The following HDAC4 variants were observed in gnomAD, a reference collection of about 807,000 sequenced individuals.
The protein encoded by HDAC4 is histone deacetylase A.
In HDAC4, 16 loss-of-function variants were observed where a neutral mutation model predicts 135.1. That is an observed-to-expected ratio of 0.12 (90% CI 0.08 to 0.18). The LOEUF (loss-of-function observed/expected upper bound fraction) is 0.18. Among genes scored for constraint, HDAC4 ranks in the 10% least tolerant of loss-of-function variants. The pLI is 1.00. For synonymous variants in HDAC4, 685 were observed against 653.4 expected (o/e 1.05, Z -0.74); for missense variants, 1,143 against 1,511.8 (o/e 0.76, Z 4.05).
At position 239,068,693 on chromosome 2, in the gene HDAC4, A is replaced by T; in HGVS notation, c.2751-86T>A. The T allele has an allele frequency of 1.7e-6, 2 of 1,154,578 alleles. No individual in the cohort carries two copies. The highest frequency in any genetic ancestry group is 2.6e-6 in the Non-Finnish European group (2 of 763,012). The allele number at this position is 1,154,578 out of a possible 1,614,324, so 71.5% of individuals were successfully genotyped here. On this transcript the variant is annotated intron_variant, in intron 22 of 26. Transcript: ENST00000543185. This position sits in a 1 kb window ranked among gnomAD's most constrained non-coding sequence, Gnocchi z 4.4. ...AACCCCAAGGTTCCCTCTGGCATTGATAATGCCTGCCCCGCACCCCCTCGG... is the reference window on the plus strand; with the variant it reads ...AACCCCAAGGTTCCCTCTGGCATTGTTAATGCCTGCCCCGCACCCCCTCGG...
At chr2:239,273,213 CAA>C (rs1471233940) in intron 2 of HDAC4, among the ~76,000 whole-genome samples, 2 of 152,060 alleles carry the variant, frequency 1.3e-5, no homozygotes, top group Non-Finnish European at 2.9e-5. Flanking sequence ...GGGTTATGTC[CAA>C]AAGACTCAAG....
rs377190515 is a variant in HDAC4, at chr2:239,115,357, G to A, written c.1534-47C>T. 130 of 1,609,346 alleles carry A rather than the reference G, an allele frequency of 8.1e-5. No homozygotes were observed. The Admixed American group carries it at 9.7e-4, about 12-fold the overall frequency. On this transcript the variant is annotated intron_variant, in intron 12 of 26. Coordinates refer to ENST00000543185, the MANE Select transcript of HDAC4 (RefSeq NM_001378414.1). The surrounding 1 kb of genome is among the most constrained non-coding windows in gnomAD (Gnocchi z 6.3). ...TGAAGCACAGAGAGCTGGGTCCTCT[G>A]AGCTCATCTGACAGGAGAAGGGATG...
chr2:239,224,083 G>T (rs1226785701), intron 3 of HDAC4, among the ~76,000 whole-genome samples: 3 of 152,108 alleles, frequency 2.0e-5, no homozygotes, highest in Non-Finnish European at 4.4e-5. Context: ...CCAGCGCAGG[G>T]TCTGCTCCAC....
intron 3 of HDAC4, among the ~76,000 whole-genome samples, chr2:239,205,315 G>A (rs576708339): frequency 1.3e-5 from 2 of 152,142 alleles, no homozygotes; most frequent in Admixed American, 6.5e-5. Context: ...ACTTCAAAGC[G>A]AAACAGCAGA....
intron 2 of HDAC4, among the ~76,000 whole-genome samples, chr2:239,312,770 G>A (rs781530529): frequency 6.6e-6 from 1 of 152,250 alleles, no homozygotes; most frequent in Non-Finnish European, 1.5e-5. Flanking sequence ...AGCACTGAGG[G>A]CAGAATGTGG....
At chr2:239,231,842 C>T (rs13411594) in intron 3 of HDAC4, among the ~76,000 whole-genome samples, 6 of 115,236 alleles carry the variant, frequency 5.2e-5, no homozygotes, top group African/African-American at 2.3e-4. Context: ...CTGAGGTAGG[C>T]GTCCTCCCCG....
intron 1 of HDAC4, among the ~76,000 whole-genome samples, chr2:239,390,822 G>C (rs962992756): frequency 6.6e-6 from 1 of 152,194 alleles, no homozygotes; most frequent in African/African-American, 2.4e-5. Context: ...AGCCACACCC[G>C]GTAGCCCTCT....
intron 2 of HDAC4, among the ~76,000 whole-genome samples, chr2:239,330,560 A>G (rs1490089161): frequency 6.6e-6 from 1 of 152,236 alleles, no homozygotes; most frequent in Non-Finnish European, 1.5e-5. Context: ...GACCGCGCAC[A>G]GTGGTTGAAG....
At chr2:239,070,201 C>T (rs1187173422) in intron 22 of HDAC4, among the ~76,000 whole-genome samples, 1 of 152,206 alleles carries the variant, frequency 6.6e-6, no homozygotes, top group Non-Finnish European at 1.5e-5. Context: ...TGGGGGAGCC[C>T]ACGTGTTCCT....
intron 21 of HDAC4, 36 bp from the exon 22 acceptor site, chr2:239,081,228 C>T: frequency 6.4e-7 from 1 of 1,558,590 alleles, no homozygotes; most frequent in Non-Finnish European, 8.8e-7. Context: ...CGTCATGGAC[C>T]CCGAGCGGGA....
chr2:239,239,927 C>T lies in HDAC4; in HGVS notation c.23-3263G>A, dbSNP rs540927394. Among the ~76,000 whole-genome samples, 83 of 152,332 alleles carry T rather than the reference C, an allele frequency of 5.4e-4. 1 individual carries two copies. Among genetic ancestry groups the T allele is most frequent in the Non-Finnish European group, 9.4e-4 (64 of 68,032 alleles). On this transcript the variant is annotated intron_variant, in intron 2 of 26. Coordinates refer to ENST00000543185, the MANE Select transcript of HDAC4 (RefSeq NM_001378414.1). Reference sequence around the variant, plus strand: ...CACAGACATGGGTCTCAGTGCCGGACGCTAACCCCACATGTGGAGGCCCCG... The same window carrying T: ...CACAGACATGGGTCTCAGTGCCGGATGCTAACCCCACATGTGGAGGCCCCG...
chr2:239,275,377 C>T (rs2050296967), intron 2 of HDAC4, among the ~76,000 whole-genome samples: 1 of 152,236 alleles, frequency 6.6e-6, no homozygotes, highest in African/African-American at 2.4e-5. Flanking sequence ...GCACAGGGCT[C>T]ACCCAGAAAC....
chr2:239,053,894 C>T (rs530501850), intron 25 of HDAC4, among the ~76,000 whole-genome samples: 9 of 152,214 alleles, frequency 5.9e-5, no homozygotes, highest in Admixed American at 1.3e-4. Flanking sequence ...TCCACGCTCA[C>T]GGGCCCCTTT....
intron 2 of HDAC4, among the ~76,000 whole-genome samples, chr2:239,271,703 C>T (rs2050069557): frequency 6.6e-6 from 1 of 152,206 alleles, no homozygotes; most frequent in South Asian, 2.1e-4. Flanking sequence ...CAGTTCTGGA[C>T]CCCGAAGACA....
chr2:239,393,623 C>T (rs1398019118), intron 1 of HDAC4, among the ~76,000 whole-genome samples: 2 of 150,212 alleles, frequency 1.3e-5, no homozygotes, highest in African/African-American at 2.4e-5. Flanking sequence ...CCTCCCCTTC[C>T]TCCTCCTCAT....
intron 7 of HDAC4, among the ~76,000 whole-genome samples, chr2:239,154,143 G>C (rs2042279960): frequency 6.6e-6 from 1 of 152,112 alleles, no homozygotes; most frequent in South Asian, 2.1e-4. Flanking sequence ...TGATGGGATG[G>C]GTGGTGTGTG....
intron 19 of HDAC4, among the ~76,000 whole-genome samples, chr2:239,084,456 C>T (rs1269877210): frequency 2.4e-5 from 3 of 125,254 alleles, no homozygotes; most frequent in South Asian, 2.9e-4. Context: ...CACTCACACG[C>T]GTGCGCGCGC....
chr2:239,223,142 T>G lies in HDAC4; in HGVS notation c.94+13451A>C, dbSNP rs968289891. Among the ~76,000 whole-genome samples the G allele has an allele frequency of 2.7e-4, 41 of 152,236 alleles. 1 individual carries two copies. Among genetic ancestry groups the G allele is most frequent in the Admixed American group, 4.6e-4 (7 of 15,290 alleles). ...AAGATCAAGTTTACATAAGAACGCA[T>G]TTCAGAATTTCCTTCTTAGCAACCT... On this transcript the variant is annotated intron_variant, in intron 3 of 26. Coordinates refer to ENST00000543185, the MANE Select transcript of HDAC4 (RefSeq NM_001378414.1).
intron 2 of HDAC4, among the ~76,000 whole-genome samples, chr2:239,326,611 G>A (rs1156777591): frequency 6.6e-6 from 1 of 152,158 alleles, no homozygotes; most frequent in Non-Finnish European, 1.5e-5. Context: ...GTTATTTCAA[G>A]AATTAAAAAG....
Sources: allele counts gnomAD v4.1 joint callset (sites outside exome capture counted in the v4.1 genomes callset), GRCh38; gene constraint gnomAD v4.1.1; non-coding constraint Gnocchi (gnomAD v3.1); transcripts MANE v1.5; gene names NCBI Gene and HGNC (gene_info 2026-07-23, HGNC 2026-07-21).